Variants in SIPA1L3 observed in about 807,000 individuals in gnomAD.
SIPA1L3 encodes the protein signal induced proliferation associated 1 like 3.
Under a neutral mutation model 150.1 loss-of-function variants are expected in SIPA1L3, and 59 were observed. The ratio of observed to expected loss-of-function variants is 0.39; its 90% confidence interval spans 0.32 to 0.49. SIPA1L3 has a LOEUF of 0.49. Ranked by LOEUF, SIPA1L3 falls within the 20% of genes least tolerant of loss-of-function variation. The pLI is 0.86. For synonymous variants in SIPA1L3, 1,070 were observed against 1,077.6 expected (o/e 0.99, Z 0.14); for missense variants, 2,211 against 2,489.5 (o/e 0.89, Z 2.38).
In SIPA1L3 at chr19:38,203,763, G is replaced by A. The variant is rs1368070758; in HGVS notation, c.5121-364G>A. On this transcript the variant is annotated intron_variant, in intron 20 of 21. Coordinates refer to ENST00000222345, the MANE Select transcript of SIPA1L3 (RefSeq NM_015073.3). ...TCTCGTGCTTCCTGTGCCTGGACCC[G>A]CCAGGTGCTCAGCAGGTGTCTGTAG... is the stretch of plus-strand genomic sequence containing the variant. The A allele has an allele frequency of 4.9e-5, 10 of 203,834 alleles. No homozygotes were observed. In the Middle Eastern group the frequency reaches 5.3e-3, roughly 108 times the overall value. 12.6% of individuals were successfully genotyped at this position (203,834 alleles called of 1,614,324 possible).
chr19:37,925,013 C>T (rs1233077193), intron 1 of SIPA1L3, among the ~76,000 whole-genome samples: 1 of 150,538 alleles, frequency 6.6e-6, no homozygotes, highest in East Asian at 2.0e-4. Flanking sequence ...CACACCACTG[C>T]ACTCCAGCCT....
At chr19:37,964,714 T>C (rs1422320466) in intron 1 of SIPA1L3, 1 of 152,102 alleles carries the variant, frequency 6.6e-6, no homozygotes, top group African/African-American at 2.4e-5. Flanking sequence ...GCCAGGCTGG[T>C]CTCGAACTCC....
At chr19:38,076,963 G>A (rs544487287) in intron 2 of SIPA1L3, among the ~76,000 whole-genome samples, 3 of 152,160 alleles carry the variant, frequency 2.0e-5, no homozygotes, top group East Asian at 1.9e-4. Context: ...AATTTGCTTC[G>A]AGAAAAAGTG....
chr19:37,982,616 G>A (rs993838602), intron 1 of SIPA1L3, among the ~76,000 whole-genome samples: 17 of 152,188 alleles, frequency 1.1e-4, no homozygotes, highest in East Asian at 1.9e-4. Flanking sequence ...AGCCTCTACC[G>A]TCTGGATCAA....
chr19:38,057,284 ATATATG>A (rs1354064672), intron 2 of SIPA1L3, among the ~76,000 whole-genome samples: 1 of 145,492 alleles, frequency 6.9e-6, no homozygotes, highest in African/African-American at 2.8e-5. Flanking sequence ...AAATATATAT[ATATATG>A]TATATATATG....
chr19:38,038,757 A>G lies in SIPA1L3; in HGVS notation c.-311+9601A>G, dbSNP rs112206948. Reference sequence around the variant, plus strand: ...ATAATGATTCCCATCCTTGCTGTACATTAGAATTATGTTGGCAACTTTAAG... The same window carrying G: ...ATAATGATTCCCATCCTTGCTGTACGTTAGAATTATGTTGGCAACTTTAAG... On this transcript the variant is annotated intron_variant, in intron 2 of 21. Coordinates refer to ENST00000222345, the MANE Select transcript of SIPA1L3 (RefSeq NM_015073.3). Among the ~76,000 whole-genome samples the G allele has an allele frequency of 7.5e-4, 115 of 152,330 alleles. 1 individual carries two copies. Among genetic ancestry groups the G allele is most frequent in the Non-Finnish European group, 1.4e-3 (98 of 68,026 alleles).
chr19:38,194,957 A>G (rs1297163152), intron 18 of SIPA1L3, among the ~76,000 whole-genome samples: 1 of 151,934 alleles, frequency 6.6e-6, no homozygotes, highest in African/African-American at 2.4e-5. Context: ...AGGCTGAGGC[A>G]GGAGAATCAC....
rs142602797 is a variant in SIPA1L3, at chr19:38,164,595, C to A, written c.3897C>A (p.Asp1299Glu). 2,052 of 1,614,166 alleles carry A rather than the reference C, an allele frequency of 1.3e-3. 12 individuals carry two copies. The East Asian group carries it at 0.023, about 18-fold the overall frequency. Residue 1299 changes from aspartate (D) to glutamate (E), a missense_variant, in exon 15 of 22, where the codon GAC (aspartate) becomes GAA (glutamate). Coordinates refer to ENST00000222345, the MANE Select transcript of SIPA1L3 (RefSeq NM_015073.3). This position sits in a 1 kb window ranked among gnomAD's most constrained non-coding sequence, Gnocchi z 4.1. ...TGGACCCCCTGGAGCCAGAGCAAGA[C>A]CCCCTCTCCAAGGGTGGCTCTAGTG... ...DPLDPLEPEQ[D>E]PLSKGGSSDS...
In SIPA1L3 at chr19:37,968,063, C is replaced by CTCTTTCTTTCTTTCTTTCTT. The variant is rs74174499; in HGVS notation, c.-379+60711_-379+60730dup. ...CATTAATGGGTTCTGATGGCCTCAT[C>CTCTTTCTTTCTTTCTTTCTT]TCTTTCTTTCTTTCTTTCTTTCTTT... is the stretch of plus-strand genomic sequence containing the variant. On this transcript the variant is annotated intron_variant, in intron 1 of 21. Transcript: ENST00000222345. Among the ~76,000 whole-genome samples the CTCTTTCTTTCTTTCTTTCTT allele has an allele frequency of 1.1e-3, 151 of 143,568 alleles. 7 individuals carry two copies. Among genetic ancestry groups the CTCTTTCTTTCTTTCTTTCTT allele is most frequent in the African/African-American group, 3.3e-3 (125 of 37,418 alleles). The allele number at this position is 143,568 out of a possible 152,430, so 94.2% of individuals were successfully genotyped here.
At chr19:37,998,075 T>G (rs1425631899) in intron 1 of SIPA1L3, among the ~76,000 whole-genome samples, 1 of 152,124 alleles carries the variant, frequency 6.6e-6, no homozygotes, top group Non-Finnish European at 1.5e-5. Flanking sequence ...CTCTGTGCCT[T>G]AGTTTCCACA....
At chr19:37,932,585 A>G (rs1392196084) in intron 1 of SIPA1L3, 1 of 152,046 alleles carries the variant, frequency 6.6e-6, no homozygotes, top group Non-Finnish European at 1.5e-5. Flanking sequence ...GAGCCAAGGC[A>G]GGTGGCCTCG....
intron 1 of SIPA1L3, among the ~76,000 whole-genome samples, chr19:37,938,699 C>T (rs1270956005): frequency 6.7e-6 from 1 of 148,238 alleles, no homozygotes; most frequent in Non-Finnish European, 1.5e-5. Flanking sequence ...TTTTGATTCA[C>T]TGCAACTGCA....
At chr19:38,149,182 C>T (rs1396293186) in intron 12 of SIPA1L3, among the ~76,000 whole-genome samples, 1 of 152,168 alleles carries the variant, frequency 6.6e-6, no homozygotes, top group Non-Finnish European at 1.5e-5. Flanking sequence ...AAGCAGATCA[C>T]TTGAGGCCAG....
chr19:38,077,661 CTTTTTTTTTTTT>C lies in SIPA1L3; in HGVS notation c.-310-3579_-310-3568del, dbSNP rs58788182. Reference sequence around the variant, plus strand: ...TTTTTTCTTTTTTCTTTTTCTTTTTCTTTTTTTTTTTTTTTTTTTTTTTTTTTGAGATGGAGT... The same window carrying C: ...TTTTTTCTTTTTTCTTTTTCTTTTTCTTTTTTTTTTTTTTTGAGATGGAGT... On this transcript the variant is annotated intron_variant, in intron 2 of 21. Coordinates refer to ENST00000222345, the MANE Select transcript of SIPA1L3 (RefSeq NM_015073.3). Among the ~76,000 whole-genome samples, 6 of 64,348 alleles carry C rather than the reference CTTTTTTTTTTTT, an allele frequency of 9.3e-5. No homozygotes were observed. In the South Asian group the frequency reaches 2.0e-3, roughly 22 times the overall value. 42.2% of individuals were successfully genotyped at this position (64,348 alleles called of 152,430 possible).
chr19:37,911,752 G>A (rs769331288), intron 1 of SIPA1L3, among the ~76,000 whole-genome samples: 2 of 151,876 alleles, frequency 1.3e-5, no homozygotes, highest in Non-Finnish European at 2.9e-5. Context: ...GCCCACCTCA[G>A]CCTCCCAAAG....
At chr19:37,979,734 T>C (rs1967156080) in intron 1 of SIPA1L3, among the ~76,000 whole-genome samples, 1 of 152,200 alleles carries the variant, frequency 6.6e-6, no homozygotes, top group Non-Finnish European at 1.5e-5. Flanking sequence ...TCTTTGGCCC[T>C]TTACAGAAGA....
chr19:37,915,171 G>C lies in SIPA1L3; in HGVS notation c.-379+7813G>C, dbSNP rs73630978. Reference sequence around the variant, plus strand: ...ATCATTTTTGCTCTCAATGAGACACGATAGGGATGGTTTGGTGGTGGTTTC... The same window carrying C: ...ATCATTTTTGCTCTCAATGAGACACCATAGGGATGGTTTGGTGGTGGTTTC... On this transcript the variant is annotated intron_variant, in intron 1 of 21. Coordinates refer to ENST00000222345, the MANE Select transcript of SIPA1L3 (RefSeq NM_015073.3). Among the ~76,000 whole-genome samples the C allele has an allele frequency of 5.8e-3, 888 of 152,258 alleles. 10 individuals carry two copies. The highest frequency in any genetic ancestry group is 0.02 in the African/African-American group (840 of 41,550).
chr19:38,100,453 G>A (rs1970476227), intron 5 of SIPA1L3, among the ~76,000 whole-genome samples: 2 of 152,108 alleles, frequency 1.3e-5, no homozygotes, highest in South Asian at 4.1e-4. Flanking sequence ...CGCTCCACAT[G>A]CTGGCTCCCT....
intron 12 of SIPA1L3, among the ~76,000 whole-genome samples, chr19:38,146,905 GGTGTGAT>G (rs1259780318): frequency 2.0e-5 from 3 of 151,896 alleles, no homozygotes; most frequent in Admixed American, 1.3e-4. Context: ...CTTCTAATTG[GGTGTGAT>G]GGTGTTCTGT....
Sources: gnomAD v4.1 joint callset for allele counts (sites outside exome capture counted in the v4.1 genomes callset) on GRCh38, gnomAD v4.1.1 for gene constraint, Gnocchi (gnomAD v3.1) non-coding constraint, MANE v1.5 for transcripts, NCBI Gene and HGNC (gene_info 2026-07-23, HGNC 2026-07-21) for gene names.